IFNLR1: variants seen among roughly 807,000 people sequenced by gnomAD.
IFNLR1 encodes CRF2-12.
A neutral mutation model predicts 52.5 loss-of-function variants in IFNLR1; 28 were observed. The ratio of observed to expected loss-of-function variants is 0.53; its 90% CI spans 0.40 to 0.73. IFNLR1 has a LOEUF of 0.73. Ranked by LOEUF, IFNLR1 falls within the 30% of genes least tolerant of loss-of-function variation. IFNLR1 has a pLI of 0.00. For missense variants in IFNLR1, 623 were observed against 659.1 expected (o/e 0.95, Z 0.60); for synonymous variants, 276 against 274.9 (o/e 1.00, Z -0.04).
At chr1:24,171,730 C>T (rs1644581909) in intron 2 of IFNLR1, among the ~76,000 whole-genome samples, 1 of 152,014 alleles carries the variant, frequency 6.6e-6, no homozygotes. Flanking sequence ...AATCTCGGCT[C>T]ACTGCAAACT....
intron 1 of IFNLR1, 130 bp downstream of exon 1, chr1:24,187,061 G>A: frequency 2.0e-6 from 1 of 494,848 alleles, no homozygotes; most frequent in Non-Finnish European, 3.4e-6. Flanking sequence ...CGCGTAGGCA[G>A]GGCCGATTCG....
chr1:24,159,090 TC>T lies in IFNLR1; in HGVS notation c.762del (p.Asn255ThrfsTer33). On this transcript the variant is annotated frameshift_variant, in exon 6 of 7. Coordinates refer to ENST00000327535, the MANE Select transcript of IFNLR1 (RefSeq NM_170743.4). LOFTEE classifies it high-confidence loss of function. ...AGGVIWKTLMGNPWFQRAKMP... is the reference protein window; with the variant it reads ...AGGVIWKTLMXNPWFQRAKMP... ...ATCTTTGCCCGCTGAAACCAGGGGT[TC>T]CCCATGAGGGTCTTCCAGATCACAC... 6.2e-7 allele frequency: 1 copy of T among 1,614,022 alleles called. No homozygotes were observed. Among genetic ancestry groups the T allele is most frequent in the Non-Finnish European group, 8.5e-7 (1 of 1,180,004 alleles).
intron 4 of IFNLR1, chr1:24,161,297 C>T: frequency 1.7e-6 from 1 of 594,032 alleles, no homozygotes; most frequent in East Asian, 2.9e-5. Flanking sequence ...TTTTGGTCTG[C>T]TTCTTAGAGC....
chr1:24,180,914 T>C, intron 1 of IFNLR1, 60 bp from the exon 2 acceptor site: 1 of 1,572,058 alleles, frequency 6.4e-7, no homozygotes. Flanking sequence ...ACTCAGGCCA[T>C]CCCAAGCTGA....
chr1:24,163,552 TCC>T (rs1187162267), intron 3 of IFNLR1, among the ~76,000 whole-genome samples: 1 of 150,510 alleles, frequency 6.6e-6, no homozygotes, highest in East Asian at 2.0e-4. Flanking sequence ...CTTCCCTCTG[TCC>T]CCCACCCAAA....
At chr1:24,166,060 C>T (rs1644516068) in intron 3 of IFNLR1, among the ~76,000 whole-genome samples, 1 of 152,104 alleles carries the variant, frequency 6.6e-6, no homozygotes, top group Admixed American at 6.6e-5. Context: ...ATCTTTGTGT[C>T]TTTCCCTTTA....
intron 2 of IFNLR1, 46 bp downstream of exon 2, chr1:24,180,685 C>G: frequency 7.9e-7 from 1 of 1,261,122 alleles, no homozygotes; most frequent in Non-Finnish European, 1.1e-6. Flanking sequence ...AGCCCCCACC[C>G]ACCCCCTCAG....
intron 2 of IFNLR1, among the ~76,000 whole-genome samples, chr1:24,177,849 G>C (rs55976784): frequency 0.097 from 14,784 of 152,182 alleles, 1,988 homozygotes; most frequent in African/African-American, 0.3. Flanking sequence ...GTTCTATCAT[G>C]TCCCCTGTCC....
intron 1 of IFNLR1, among the ~76,000 whole-genome samples, chr1:24,182,731 C>T (rs1427333742): frequency 6.6e-6 from 1 of 152,042 alleles, no homozygotes; most frequent in Non-Finnish European, 1.5e-5. Flanking sequence ...ACCAGCCTGA[C>T]CAACATGGTG....
chr1:24,182,584 T>A (rs10903047), intron 1 of IFNLR1, among the ~76,000 whole-genome samples: 47,506 of 152,092 alleles, frequency 0.31, 8,601 homozygotes, highest in Admixed American at 0.52. Flanking sequence ...AATAATGTAT[T>A]TGCATAGTTG....
chr1:24,159,699 G>T, intron 4 of IFNLR1, 66 bp from the exon 5 acceptor site: 1 of 1,339,778 alleles, frequency 7.5e-7, no homozygotes, highest in Non-Finnish European at 1.0e-6. Flanking sequence ...AGCCAGGACA[G>T]AGTGGGGTTG....
At chr1:24,180,316 A>T (rs1487048135) in intron 2 of IFNLR1, among the ~76,000 whole-genome samples, 1 of 149,954 alleles carries the variant, frequency 6.7e-6, no homozygotes, top group African/African-American at 2.4e-5. Flanking sequence ...AAAAAAAGAG[A>T]AAAAAAGTGT....
At chr1:24,176,202 G>A (rs1644631271) in intron 2 of IFNLR1, among the ~76,000 whole-genome samples, 1 of 152,160 alleles carries the variant, frequency 6.6e-6, no homozygotes, top group Non-Finnish European at 1.5e-5. Flanking sequence ...GTGAATTTCA[G>A]AAACATTATG....
intron 2 of IFNLR1, among the ~76,000 whole-genome samples, chr1:24,173,429 C>T (rs898483228): frequency 6.6e-6 from 1 of 152,058 alleles, no homozygotes; most frequent in African/African-American, 2.4e-5. Context: ...ATGAAAAAGA[C>T]TGATAATACT....
At chr1:24,164,337 C>T (rs1247891714) in intron 3 of IFNLR1, among the ~76,000 whole-genome samples, 1 of 152,202 alleles carries the variant, frequency 6.6e-6, no homozygotes, top group Non-Finnish European at 1.5e-5. Flanking sequence ...GTAGTTTTAC[C>T]AGTCTGCATC....
chr1:24,182,655 C>T (rs11249019), intron 1 of IFNLR1, among the ~76,000 whole-genome samples: 47,463 of 152,000 alleles, frequency 0.31, 8,597 homozygotes, highest in Admixed American at 0.52. Context: ...GGCGTGGTGG[C>T]TCATGCCTGT....
intron 3 of IFNLR1, among the ~76,000 whole-genome samples, chr1:24,162,755 TC>T (rs1431016359): frequency 0.033 from 1,052 of 31,472 alleles, 49 homozygotes; most frequent in South Asian, 0.09. Context: ...TTTCTTTCTT[TC>T]TTTCTTTCTT....
At chr1:24,171,814 A>G (rs1243273909) in intron 2 of IFNLR1, among the ~76,000 whole-genome samples, 1 of 151,940 alleles carries the variant, frequency 6.6e-6, no homozygotes, top group Non-Finnish European at 1.5e-5. Context: ...CTATCACCAC[A>G]CCTGGCTAAT....
At chr1:24,182,910 C>A (rs927242026) in intron 1 of IFNLR1, among the ~76,000 whole-genome samples, 1 of 140,798 alleles carries the variant, frequency 7.1e-6, no homozygotes, top group Non-Finnish European at 1.6e-5. Flanking sequence ...CACAGTGAGA[C>A]TCCATCTCAA....
Sources: gnomAD v4.1 joint callset for allele counts (sites outside exome capture counted in the v4.1 genomes callset) on GRCh38, gnomAD v4.1.1 for gene constraint, MANE v1.5 for transcripts, NCBI Gene and HGNC (gene_info 2026-07-23, HGNC 2026-07-21) for gene names.